Variants in TENM3 observed in about 807,000 individuals in gnomAD.
TENM3 encodes the protein teneurin transmembrane protein 3, also known as teneurin-3.
TENM3 carries 63 observed loss-of-function variants against 255.1 expected under a neutral mutation model. The ratio of observed to expected loss-of-function variants is 0.25; its 90% confidence interval spans 0.20 to 0.30. The LOEUF (loss-of-function observed/expected upper bound fraction) is 0.30. Ranked by LOEUF, TENM3 falls within the 10% of genes least tolerant of loss-of-function variation. The pLI is 1.00. For synonymous variants in TENM3, 1,306 were observed against 1,322.3 expected (o/e 0.99, Z 0.27); for missense variants, 2,929 against 3,461.1 (o/e 0.85, Z 3.86).
the TENM3 span, among the ~76,000 whole-genome samples, chr4:181,628,100 T>A: frequency 6.6e-6 from 1 of 152,276 alleles, no homozygotes; most frequent in Non-Finnish European, 1.5e-5. Flanking sequence ...ATGATGAGCA[T>A]TTTTTCATGT....
chr4:181,510,462 T>G, the TENM3 span, among the ~76,000 whole-genome samples: 3 of 152,202 alleles, frequency 2.0e-5, no homozygotes, highest in African/African-American at 7.2e-5. Context: ...GGGGTAAAAG[T>G]GTTTTGTCAT....
chr4:181,907,006 G>A, the TENM3 span, among the ~76,000 whole-genome samples: 1 of 152,100 alleles, frequency 6.6e-6, no homozygotes, highest in East Asian at 1.9e-4. Flanking sequence ...AGCCTCCCCA[G>A]TAGCTGTGAT....
In TENM3 at chr4:182,401,801, A is replaced by C. The variant is rs189675559; in HGVS notation, c.511+54872A>C. 7.5e-3 allele frequency among the ~76,000 whole-genome samples: 1,143 copies of C among 152,300 alleles called. 5 individuals are homozygous for C. Among genetic ancestry groups the C allele is most frequent in the Non-Finnish European group, 0.012 (806 of 68,014 alleles). Reference sequence around the variant, plus strand: ...TGAGGTAAAAATTTTAAAGACATTCATTTAACATTTACACTTTCTATTCCC... The same window carrying C: ...TGAGGTAAAAATTTTAAAGACATTCCTTTAACATTTACACTTTCTATTCCC... On this transcript the variant is annotated intron_variant, in intron 3 of 27. Transcript: ENST00000511685.
the TENM3 span, among the ~76,000 whole-genome samples, chr4:181,826,038 A>C: frequency 6.6e-6 from 1 of 152,208 alleles, no homozygotes. Flanking sequence ...AAAAACAATG[A>C]ACTTAATAGA....
At chr4:182,383,729 G>C (rs938148931) in intron 3 of TENM3, among the ~76,000 whole-genome samples, 2 of 152,076 alleles carry the variant, frequency 1.3e-5, no homozygotes, top group African/African-American at 4.8e-5. Context: ...AAAGCCAGAT[G>C]CATCACATTA....
the TENM3 span, among the ~76,000 whole-genome samples, chr4:181,965,218 T>A: frequency 6.6e-6 from 1 of 152,186 alleles, no homozygotes; most frequent in Admixed American, 6.5e-5. Flanking sequence ...TTTAAAAAAA[T>A]AATAATAACA....
intron 1 of TENM3, among the ~76,000 whole-genome samples, chr4:182,155,328 G>A (rs2060644): frequency 0.88 from 134,218 of 152,118 alleles, 59,295 homozygotes; most frequent in Middle Eastern, 0.97. Context: ...TACAGTATAA[G>A]TAATTCTGGT....
chr4:181,641,630 A>G, the TENM3 span, among the ~76,000 whole-genome samples: 788 of 49,638 alleles, frequency 0.016, 48 homozygotes, highest in African/African-American at 0.051. Flanking sequence ...TGGTGTGTGT[A>G]TATATATATA....
intron 1 of TENM3, among the ~76,000 whole-genome samples, chr4:182,149,642 TGACTTTTCAAACAAGTTTGTGATAG>T (rs1750204286): frequency 1.3e-5 from 2 of 152,060 alleles, no homozygotes; most frequent in Admixed American, 1.3e-4. Context: ...CGGGTAGCAC[TGACTTTTCAAACAAGTTTGTGATAG>T]GTGGCAGTCT....
At chr4:182,440,314 AT>A in intron 3 of TENM3, among the ~76,000 whole-genome samples, 2 of 151,676 alleles carry the variant, frequency 1.3e-5, no homozygotes, top group Non-Finnish European at 2.9e-5. Context: ...GGGTGTCACC[AT>A]CTTGGCCAGG....
chr4:182,339,279 C>T (rs1377772537), intron 2 of TENM3, among the ~76,000 whole-genome samples: 1 of 152,190 alleles, frequency 6.6e-6, no homozygotes, highest in Non-Finnish European at 1.5e-5. Context: ...ATTAATCCTT[C>T]TCAGTCACTA....
intron 3 of TENM3, among the ~76,000 whole-genome samples, chr4:182,565,210 C>T (rs1400694149): frequency 6.6e-6 from 1 of 152,132 alleles, no homozygotes; most frequent in Non-Finnish European, 1.5e-5. Context: ...TTGGTTACCA[C>T]CCATTTTTGC....
chr4:181,600,167 A>G, the TENM3 span, among the ~76,000 whole-genome samples: 1 of 152,206 alleles, frequency 6.6e-6, no homozygotes, highest in Admixed American at 6.5e-5. Flanking sequence ...GTTGTGATTC[A>G]ATCATTTTCA....
At chr4:181,491,901 T>C in the TENM3 span, among the ~76,000 whole-genome samples, 1 of 152,172 alleles carries the variant, frequency 6.6e-6, no homozygotes, top group African/African-American at 2.4e-5. Flanking sequence ...CCTTAACTTA[T>C]TATAAAAAGC....
chr4:181,470,127 A>AAAAAAACG, the TENM3 span, among the ~76,000 whole-genome samples: 96 of 138,976 alleles, frequency 6.9e-4, 1 homozygote, highest in African/African-American at 2.3e-3. Context: ...AAAAAAAAAC[A>AAAAAAACG]TTATTCAAAA....
chr4:182,416,227 T>C (rs1770348748), intron 3 of TENM3, among the ~76,000 whole-genome samples: 1 of 152,202 alleles, frequency 6.6e-6, no homozygotes, highest in Non-Finnish European at 1.5e-5. Context: ...AGCTGCTTAA[T>C]GTGTTATTCA....
At chr4:182,533,720 C>T (rs188285866) in intron 3 of TENM3, among the ~76,000 whole-genome samples, 51 of 151,948 alleles carry the variant, frequency 3.4e-4, no homozygotes, top group Admixed American at 2.6e-3. Context: ...TCGAGACCAG[C>T]CTGGCCAAGA....
At chr4:182,146,446 A>C (rs1351358522) in intron 1 of TENM3, among the ~76,000 whole-genome samples, 1 of 152,138 alleles carries the variant, frequency 6.6e-6, no homozygotes, top group African/African-American at 2.4e-5. Flanking sequence ...CAAAGATAGG[A>C]GTTTATAATG....
At chr4:181,508,975 C>T in the TENM3 span, among the ~76,000 whole-genome samples, 3 of 136,652 alleles carry the variant, frequency 2.2e-5, no homozygotes, top group Admixed American at 8.3e-5. Context: ...TTGAGCAGCA[C>T]GTACAGGCAA....
Sources: gnomAD v4.1 joint callset for allele counts (sites outside exome capture counted in the v4.1 genomes callset) on GRCh38, gnomAD v4.1.1 for gene constraint, MANE v1.5 for transcripts, NCBI Gene and HGNC (gene_info 2026-07-23, HGNC 2026-07-21) for gene names.